TRABD2B: variants seen among roughly 807,000 people sequenced by gnomAD.
TRABD2B encodes TraB domain containing 2B.
In TRABD2B, 14 loss-of-function variants were observed where a neutral mutation model predicts 40.1. That is an observed-to-expected ratio of 0.35 (90% CI 0.23 to 0.55). The LOEUF (loss-of-function observed/expected upper bound fraction) is 0.55, where lower values mean the gene tolerates loss of function less well. Among genes scored for constraint, TRABD2B ranks in the 20% least tolerant of loss-of-function variants. TRABD2B has a pLI of 0.90. For missense variants in TRABD2B, 541 were observed against 648.6 expected (o/e 0.83, Z 1.80); for synonymous variants, 263 against 277.0 (o/e 0.95, Z 0.50).
Position 47,778,456 on chromosome 1 carries a change from G to C in TRABD2B, c.1077C>G (p.His359Gln). Residue 359 changes from histidine (H) to glutamine (Q), a missense_variant and splice_region_variant, in exon 5 of 7, where the codon CAC becomes CAG. His to Gln is a conservative substitution (Grantham distance 24, BLOSUM62 0). Around this residue, in one of 2 missense-constraint regions of TRABD2B, gnomAD observed 172 missense variants for 155.8 expected, o/e 1.10. Coordinates refer to ENST00000606738, the MANE Select transcript of TRABD2B (RefSeq NM_001194986.2). Reference sequence around the variant, plus strand: ...AGGCACACCCAGATGTGGCTTACCTGTGTATGGCCTGCCCGGCGGGTGTGT... The same window carrying C: ...AGGCACACCCAGATGTGGCTTACCTCTGTATGGCCTGCCCGGCGGGTGTGT... Reference protein sequence around the residue: ...VDHTPAGQAIHSPAPQSPAPS... With the variant: ...VDHTPAGQAIQSPAPQSPAPS... 1 of 1,535,552 alleles carries C rather than the reference G, an allele frequency of 6.5e-7. No homozygotes were observed. Among genetic ancestry groups the C allele is most frequent in the Non-Finnish European group, 8.7e-7 (1 of 1,146,346 alleles).
chr1:47,915,786 A>G (rs1456040188), intron 2 of TRABD2B, among the ~76,000 whole-genome samples: 1 of 152,146 alleles, frequency 6.6e-6, no homozygotes, highest in East Asian at 1.9e-4. Flanking sequence ...ACAGGGCATG[A>G]GGTGGCTGCT....
intron 2 of TRABD2B, among the ~76,000 whole-genome samples, chr1:47,873,137 G>A (rs1644168679): frequency 6.6e-6 from 1 of 152,150 alleles, no homozygotes; most frequent in Non-Finnish European, 1.5e-5. Context: ...ATCATTAACA[G>A]CATTAATCCT....
intron 2 of TRABD2B, chr1:47,819,607 T>C (rs1185706862): frequency 6.6e-6 from 1 of 152,176 alleles, no homozygotes; most frequent in African/African-American, 2.4e-5. Flanking sequence ...GCAAGGACTG[T>C]CGCCCCTTGG....
intron 2 of TRABD2B, among the ~76,000 whole-genome samples, chr1:47,944,815 G>A (rs1645238132): frequency 6.6e-6 from 1 of 152,168 alleles, no homozygotes; most frequent in Non-Finnish European, 1.5e-5. Flanking sequence ...GCTGATTCCA[G>A]AACACCAAGG....
At chr1:47,850,240 G>A (rs752221522) in intron 2 of TRABD2B, among the ~76,000 whole-genome samples, 1 of 152,220 alleles carries the variant, frequency 6.6e-6, no homozygotes, top group South Asian at 2.1e-4. Context: ...AGGGGCAAAG[G>A]CCTGAACACA....
At chr1:47,809,419 C>T (rs571874378) in intron 2 of TRABD2B, among the ~76,000 whole-genome samples, 2 of 152,188 alleles carry the variant, frequency 1.3e-5, no homozygotes, top group East Asian at 3.9e-4. Context: ...CGTCACAGGA[C>T]CCCCACCCTG....
chr1:47,877,598 C>T (rs1280554187), intron 2 of TRABD2B, among the ~76,000 whole-genome samples: 1 of 152,128 alleles, frequency 6.6e-6, no homozygotes, highest in Non-Finnish European at 1.5e-5. Flanking sequence ...AGCAGTTGCA[C>T]ATCTCAGAAC....
At chr1:47,946,822 C>T (rs1471329793) in intron 2 of TRABD2B, among the ~76,000 whole-genome samples, 4 of 152,096 alleles carry the variant, frequency 2.6e-5, no homozygotes, top group Admixed American at 2.6e-4. Context: ...TTTCACTATT[C>T]TTTGTAGTCT....
chr1:47,940,966 G>A (rs1645178666), intron 2 of TRABD2B, among the ~76,000 whole-genome samples: 1 of 152,176 alleles, frequency 6.6e-6, no homozygotes, highest in African/African-American at 2.4e-5. Context: ...AAGAGCAGTA[G>A]GGCCATATGA....
rs1365103370 is a variant in TRABD2B at position 47,800,591 on chromosome 1, A to T, written c.813+882T>A. ...TCACCTTGATAAAAATGGGAAGTCCACGCAATGTCCTGAGCAGGGAAGTGG... is the reference window on the plus strand; with the variant it reads ...TCACCTTGATAAAAATGGGAAGTCCTCGCAATGTCCTGAGCAGGGAAGTGG... On this transcript the variant is annotated intron_variant, in intron 3 of 6. Coordinates refer to ENST00000606738, the MANE Select transcript of TRABD2B (RefSeq NM_001194986.2). 2.0e-5 allele frequency among the ~76,000 whole-genome samples: 3 copies of T among 152,236 alleles called. No individual in the cohort carries two copies. In the East Asian group the frequency reaches 5.8e-4, roughly 29 times the overall value.
chr1:47,780,061 T>C (rs1353529525), intron 4 of TRABD2B, among the ~76,000 whole-genome samples: 1 of 152,134 alleles, frequency 6.6e-6, no homozygotes, highest in African/African-American at 2.4e-5. Context: ...AGCCCAGTGA[T>C]CTCCCTCTTG....
intron 2 of TRABD2B, among the ~76,000 whole-genome samples, chr1:47,956,203 TAC>T (rs1645419399): frequency 6.6e-6 from 1 of 152,148 alleles, no homozygotes; most frequent in Admixed American, 6.5e-5. Context: ...ACCTGAAGAC[TAC>T]AGAGAACTAC....
rs545690487 is a variant in TRABD2B at position 47,913,488 on chromosome 1, T to C, written c.666+80546A>G. Among the ~76,000 whole-genome samples, 27 of 152,310 alleles carry C rather than the reference T, an allele frequency of 1.8e-4. 1 individual carries two copies. The South Asian group carries it at 5.6e-3, about 32-fold the overall frequency. On this transcript the variant is annotated intron_variant, in intron 2 of 6. Coordinates refer to ENST00000606738, the MANE Select transcript of TRABD2B (RefSeq NM_001194986.2). ...CAGCTCACTGTTTACCCAGTGCCTA[T>C]TTTGCACTTTGTCCCCAGACAAAGG... is the stretch of plus-strand genomic sequence containing the variant.
At chr1:47,935,878 A>G (rs1645100301) in intron 2 of TRABD2B, among the ~76,000 whole-genome samples, 1 of 152,374 alleles carries the variant, frequency 6.6e-6, no homozygotes, top group Admixed American at 6.5e-5. Context: ...AGAAAAAAAG[A>G]GCTTCAACTT....
chr1:47,824,805 T>A (rs76021425), intron 2 of TRABD2B, among the ~76,000 whole-genome samples: 3,600 of 152,248 alleles, frequency 0.024, 112 homozygotes, highest in Admixed American at 0.094. Flanking sequence ...CTGCTAATCA[T>A]GGGCAGTTAC....
intron 2 of TRABD2B, among the ~76,000 whole-genome samples, chr1:47,968,852 C>G (rs560861828): frequency 3.9e-5 from 6 of 152,196 alleles, no homozygotes; most frequent in Non-Finnish European, 8.8e-5. Flanking sequence ...GGACCCTGAA[C>G]ATTGTTTTGT....
intron 2 of TRABD2B, among the ~76,000 whole-genome samples, chr1:47,955,010 G>C (rs1247021527): frequency 4.6e-5 from 7 of 151,802 alleles, no homozygotes. Context: ...CTGTCCACTT[G>C]AGTCCTTCAC....
At chr1:47,845,676 G>A (rs184969638) in intron 2 of TRABD2B, among the ~76,000 whole-genome samples, 120 of 152,192 alleles carry the variant, frequency 7.9e-4, no homozygotes, top group African/African-American at 2.4e-3. Context: ...TTATAGAGTG[G>A]GTGTTTAAAG....
chr1:47,889,881 G>A (rs1319983550), intron 2 of TRABD2B, among the ~76,000 whole-genome samples: 2 of 152,238 alleles, frequency 1.3e-5, no homozygotes, highest in South Asian at 2.1e-4. Flanking sequence ...TTGAGGCGCA[G>A]TGTAGATTAC....
Sources: allele counts gnomAD v4.1 joint callset (sites outside exome capture counted in the v4.1 genomes callset), GRCh38; gene constraint gnomAD v4.1.1; regional missense constraint gnomAD v4.1.1; transcripts MANE v1.5; gene names NCBI Gene and HGNC (gene_info 2026-07-23, HGNC 2026-07-21).